Variants in TAF12 observed in about 807,000 individuals in gnomAD.
TAF12 encodes the protein transcription initiation factor TFIID subunit 12.
TAF12 carries 3 observed loss-of-function variants against 20.8 expected under a neutral mutation model. That is an observed-to-expected ratio of 0.14 (90% CI 0.07 to 0.37). The LOEUF (loss-of-function observed/expected upper bound fraction) is 0.37, where lower values mean the gene tolerates loss of function less well. Among genes scored for constraint, TAF12 ranks in the 10% least tolerant of loss-of-function variants. TAF12 has a pLI of 1.00. For synonymous variants in TAF12, 69 were observed against 70.2 expected (o/e 0.98, Z 0.09); for missense variants, 131 against 197.9 (o/e 0.66, Z 2.03).
chr1:28,644,140 G>C (rs1668126890), upstream of TAF12, among the ~76,000 whole-genome samples: 1 of 152,098 alleles, frequency 6.6e-6, no homozygotes, highest in African/African-American at 2.4e-5. Context: ...CATCTGTAAG[G>C]TTCACAGTAA....
chr1:28,615,739 A>G (rs1291439125), intron 3 of TAF12, among the ~76,000 whole-genome samples: 1 of 146,224 alleles, frequency 6.8e-6, no homozygotes, highest in Non-Finnish European at 1.5e-5. Flanking sequence ...TCCTCAAGAT[A>G]GGAGACTGGA....
At chr1:28,644,155 GAGA>G (rs1668127226), upstream of TAF12, among the ~76,000 whole-genome samples, 1 of 152,170 alleles carries the variant, frequency 6.6e-6, no homozygotes, top group Non-Finnish European at 1.5e-5. Flanking sequence ...CAGTAAGATG[GAGA>G]AGAACCCACA....
chr1:28,604,903 G>C (rs1310488765), intron 5 of TAF12, among the ~76,000 whole-genome samples: 1 of 152,156 alleles, frequency 6.6e-6, no homozygotes, highest in Non-Finnish European at 1.5e-5. Context: ...AGGGAACCTT[G>C]TTCAAAGGTA....
At chr1:28,628,890 T>C (rs1379294329) in intron 1 of TAF12, among the ~76,000 whole-genome samples, 2 of 152,156 alleles carry the variant, frequency 1.3e-5, no homozygotes, top group Non-Finnish European at 2.9e-5. Context: ...CTGACCAACA[T>C]GGAGAAACCC....
chr1:28,628,424 T>G (rs922294629), intron 1 of TAF12, among the ~76,000 whole-genome samples: 1 of 152,020 alleles, frequency 6.6e-6, no homozygotes, highest in Non-Finnish European at 1.5e-5. Flanking sequence ...TACATTTATA[T>G]GAAATGTCCA....
At chr1:28,632,114 T>C (rs944117170) in intron 1 of TAF12, among the ~76,000 whole-genome samples, 1 of 152,168 alleles carries the variant, frequency 6.6e-6, no homozygotes, top group African/African-American at 2.4e-5. Context: ...AAACAAATTA[T>C]GGTATATCCA....
At chr1:28,635,988 G>T (rs1043198596) in intron 1 of TAF12, among the ~76,000 whole-genome samples, 7 of 152,124 alleles carry the variant, frequency 4.6e-5, no homozygotes, top group Non-Finnish European at 8.8e-5. Flanking sequence ...TGTGGTGCAT[G>T]ACTTCACTTA....
upstream of TAF12, among the ~76,000 whole-genome samples, chr1:28,646,972 A>T (rs1487600961): frequency 6.6e-6 from 1 of 152,072 alleles, no homozygotes; most frequent in East Asian, 1.9e-4. Context: ...TGCTGGGATT[A>T]CAGGCGTGAG....
At chr1:28,644,187 T>A (rs1280008969), upstream of TAF12, among the ~76,000 whole-genome samples, 1 of 152,174 alleles carries the variant, frequency 6.6e-6, no homozygotes, top group Non-Finnish European at 1.5e-5. Context: ...AAAAATTGTA[T>A]AAAGAGCTGT....
At position 28,613,442 on chromosome 1, in the gene TAF12, G is replaced by C; in HGVS notation, c.247-81C>G. 2.5e-6 allele frequency: 3 copies of C among 1,200,126 alleles called. No individual in the cohort carries two copies. In the South Asian group the frequency reaches 4.2e-5, roughly 17 times the overall value. The allele number at this position is 1,200,126 out of a possible 1,614,324, so 74.3% of individuals were successfully genotyped here. On this transcript the variant is annotated intron_variant, in intron 3 of 5. Transcript: ENST00000373824. The stretch of plus-strand genomic sequence containing the variant: ...TGCTGGGACAACTGCTTTCAGCTTG[G>C]ATTGCATATTTAGTCAGGCATTCTA...
intron 3 of TAF12, 107 bp from the exon 4 acceptor site, chr1:28,613,468 G>C (rs912242627): frequency 5.6e-6 from 5 of 896,108 alleles, no homozygotes; most frequent in African/African-American, 3.3e-5. Flanking sequence ...AGGCATTCTA[G>C]TAGAAGGCTG....
At chr1:28,637,989 TTTTG>T (rs988244328) in intron 1 of TAF12, among the ~76,000 whole-genome samples, 2 of 151,950 alleles carry the variant, frequency 1.3e-5, no homozygotes, top group Non-Finnish European at 2.9e-5. Context: ...CATTCCTATT[TTTTG>T]TTTAATTATT....
At chr1:28,614,835 T>C (rs1035257525) in intron 3 of TAF12, among the ~76,000 whole-genome samples, 1 of 152,194 alleles carries the variant, frequency 6.6e-6, no homozygotes, top group Admixed American at 6.6e-5. Flanking sequence ...CCAGGAGCAG[T>C]GGCTCACTCC....
intron 1 of TAF12, chr1:28,648,134 G>A: frequency 1.0e-6 from 1 of 983,788 alleles, no homozygotes; most frequent in Non-Finnish European, 1.2e-6. Flanking sequence ...GTGGTGGCTA[G>A]GGGTGGCACA....
chr1:28,634,415 C>CA (rs1159192480), intron 1 of TAF12, among the ~76,000 whole-genome samples: 3,623 of 35,402 alleles, frequency 0.1, 131 homozygotes, highest in African/African-American at 0.2. Context: ...GACTCCATCT[C>CA]AAAAAAAAAA....
chr1:28,620,203 G>C (rs562180161), intron 2 of TAF12, among the ~76,000 whole-genome samples: 1 of 135,438 alleles, frequency 7.4e-6, no homozygotes, highest in African/African-American at 2.8e-5. Flanking sequence ...GTGTAATCTC[G>C]GCTCACTGCA....
Position 28,643,049 on chromosome 1 carries a change from C to A in TAF12, c.-142G>T. 1.0e-6 allele frequency: 1 copy of A among 985,918 alleles called. No individual in the cohort carries two copies. The highest frequency in any genetic ancestry group is 1.2e-6 in the Non-Finnish European group (1 of 829,964). 61.1% of individuals were successfully genotyped at this position (985,918 alleles called of 1,614,324 possible). A position where few individuals can be genotyped will look rare whatever the true frequency, so the allele number is the denominator to read the frequency against. On this transcript the variant is annotated 5_prime_UTR_variant, in exon 1 of 6. Coordinates refer to ENST00000373824, the MANE Select transcript of TAF12 (RefSeq NM_005644.4). ...GAGACTGCCCCAGTGAAGCGTTCGT[C>A]TCAGCAGCCGGTCCGACTGCGCGGC...
At chr1:28,612,518 TA>T (rs1193453295) in intron 4 of TAF12, among the ~76,000 whole-genome samples, 1 of 138,718 alleles carries the variant, frequency 7.2e-6, no homozygotes. Context: ...AAATTATATA[TA>T]AATATATATA....
At chr1:28,643,215 A>G (rs1332292839), upstream of TAF12, 1 of 645,206 alleles carries the variant, frequency 1.5e-6, no homozygotes, top group South Asian at 6.9e-5. Flanking sequence ...GTGTGTAGGT[A>G]CACCCTGCAG....
Sources: allele counts gnomAD v4.1 joint callset (sites outside exome capture counted in the v4.1 genomes callset), GRCh38; gene constraint gnomAD v4.1.1; transcripts MANE v1.5; gene names NCBI Gene and HGNC (gene_info 2026-07-23, HGNC 2026-07-21).